Variants in NRG3 observed in about 807,000 individuals in gnomAD.
NRG3 encodes the protein pro-neuregulin-3, membrane-bound isoform.
In NRG3, 31 loss-of-function variants were observed where a neutral mutation model predicts 66.9. The observed-to-expected ratio is 0.46, with a 90% CI of 0.35 to 0.63. NRG3 has a LOEUF of 0.63. Ranked by LOEUF, NRG3 falls within the 20% of genes least tolerant of loss-of-function variation. The pLI, the probability that NRG3 is intolerant of heterozygous loss-of-function variation, is 0.00. For synonymous variants in NRG3, 393 were observed against 359.4 expected, an observed-to-expected ratio of 1.09 and a Z score of -1.06; for missense variants, 910 against 878.9, an observed-to-expected ratio of 1.04 and a Z score of -0.45.
chr10:82,380,267 A>ATTT (rs75630576), intron 2 of NRG3, among the ~76,000 whole-genome samples: 5,158 of 151,838 alleles, frequency 0.034, 95 homozygotes, highest in South Asian at 0.048. Context: ...AGCAGATCAG[A>ATTT]TTTTTTTTGC....
At chr10:82,354,666 A>G (rs1466956431) in intron 1 of NRG3, among the ~76,000 whole-genome samples, 1 of 152,126 alleles carries the variant, frequency 6.6e-6, no homozygotes, top group Non-Finnish European at 1.5e-5. Context: ...TGCTATGATT[A>G]TGGATGTGAG....
intron 1 of NRG3, among the ~76,000 whole-genome samples, chr10:82,193,730 C>T (rs1352084108): frequency 6.6e-6 from 1 of 152,094 alleles, no homozygotes; most frequent in Non-Finnish European, 1.5e-5. Flanking sequence ...TACTGGAAGT[C>T]TTTAAAAAAG....
chr10:82,156,667 A>G (rs1272814280), intron 1 of NRG3, among the ~76,000 whole-genome samples: 2 of 151,668 alleles, frequency 1.3e-5, no homozygotes, highest in Non-Finnish European at 3.0e-5. Context: ...CCTTCATCAG[A>G]TTTTAGCTCC....
intron 1 of NRG3, among the ~76,000 whole-genome samples, chr10:81,913,935 T>C (rs1194196471): frequency 6.6e-6 from 1 of 152,204 alleles, no homozygotes; most frequent in Non-Finnish European, 1.5e-5. Flanking sequence ...ATCTGTAAAA[T>C]TGTATGATTC....
intron 1 of NRG3, among the ~76,000 whole-genome samples, chr10:82,003,109 G>T (rs543860717): frequency 1.3e-5 from 2 of 152,162 alleles, no homozygotes; most frequent in Admixed American, 6.5e-5. Flanking sequence ...TTGAAAAAAG[G>T]TCATGCTGAT....
chr10:82,953,504 G>C (rs1266539253), intron 5 of NRG3, among the ~76,000 whole-genome samples: 6 of 151,876 alleles, frequency 4.0e-5, no homozygotes, highest in Non-Finnish European at 7.4e-5. Context: ...ATGCCATCTG[G>C]CATAATGGTC....
chr10:82,395,040 T>A (rs773574667), intron 2 of NRG3, among the ~76,000 whole-genome samples: 3 of 152,200 alleles, frequency 2.0e-5, no homozygotes, highest in Non-Finnish European at 4.4e-5. Context: ...AGTCTGCAGA[T>A]AATTGGAAGT....
chr10:82,962,125 A>G (rs1850709579), intron 6 of NRG3, among the ~76,000 whole-genome samples: 1 of 152,082 alleles, frequency 6.6e-6, no homozygotes. Flanking sequence ...GAAACACTTG[A>G]CTCCAAGGCT....
At chr10:82,982,605 A>G (rs997554282) in intron 8 of NRG3, among the ~76,000 whole-genome samples, 1 of 152,200 alleles carries the variant, frequency 6.6e-6, no homozygotes, top group Non-Finnish European at 1.5e-5. Flanking sequence ...AGAACAGGGC[A>G]GAGACATTAT....
chr10:82,382,747 A>T (rs1325313410), intron 2 of NRG3, among the ~76,000 whole-genome samples: 1 of 152,048 alleles, frequency 6.6e-6, no homozygotes, highest in African/African-American at 2.4e-5. Context: ...TACATAATGC[A>T]TATGTATAAA....
At chr10:82,704,575 G>C (rs540936256) in intron 2 of NRG3, among the ~76,000 whole-genome samples, 2 of 152,074 alleles carry the variant, frequency 1.3e-5, no homozygotes, top group African/African-American at 4.8e-5. Context: ...CAATCCATGA[G>C]AGAAATTTGT....
At chr10:82,694,731 G>T (rs2055235088) in intron 2 of NRG3, among the ~76,000 whole-genome samples, 1 of 152,164 alleles carries the variant, frequency 6.6e-6, no homozygotes, top group South Asian at 2.1e-4. Context: ...TCTAGCCTGG[G>T]TGACAGAGTT....
intron 4 of NRG3, among the ~76,000 whole-genome samples, chr10:82,873,373 A>T (rs1209727337): frequency 1.3e-5 from 2 of 152,156 alleles, no homozygotes; most frequent in Non-Finnish European, 2.9e-5. Flanking sequence ...GGGAAAATAT[A>T]GATTTTTACA....
At chr10:82,219,859 C>G (rs574704789) in intron 1 of NRG3, among the ~76,000 whole-genome samples, 39 of 151,834 alleles carry the variant, frequency 2.6e-4, no homozygotes, top group Admixed American at 2.1e-3. Context: ...CTCAATGCTG[C>G]AAATCCATTG....
chr10:82,202,177 A>G (rs2074865254), intron 1 of NRG3, among the ~76,000 whole-genome samples: 2 of 152,224 alleles, frequency 1.3e-5, no homozygotes, highest in Admixed American at 1.3e-4. Context: ...GTCTCCTCCC[A>G]GAGCCAGCAC....
At chr10:82,595,137 A>T (rs1229434332) in intron 2 of NRG3, among the ~76,000 whole-genome samples, 6 of 151,942 alleles carry the variant, frequency 3.9e-5, no homozygotes, top group Non-Finnish European at 8.8e-5. Context: ...ATTTCTCATG[A>T]TTCCAAAGTT....
intron 1 of NRG3, among the ~76,000 whole-genome samples, chr10:82,142,293 C>T (rs2069852544): frequency 6.6e-6 from 1 of 152,160 alleles, no homozygotes; most frequent in African/African-American, 2.4e-5. Context: ...TAACATCTGA[C>T]ACTCTGTGGG....
intron 2 of NRG3, among the ~76,000 whole-genome samples, chr10:82,440,461 A>G (rs997814503): frequency 3.6e-5 from 5 of 138,820 alleles, no homozygotes; most frequent in Non-Finnish European, 6.4e-5. Context: ...TACTTCTTTA[A>G]TTCTCCATCC....
intron 3 of NRG3, among the ~76,000 whole-genome samples, chr10:82,826,064 G>A (rs1275567868): frequency 6.6e-6 from 1 of 152,138 alleles, no homozygotes; most frequent in Non-Finnish European, 1.5e-5. Flanking sequence ...AGGAAAAAGT[G>A]TAAGAGATTA....
Sources: allele counts gnomAD v4.1 joint callset (sites outside exome capture counted in the v4.1 genomes callset), GRCh38; gene constraint gnomAD v4.1.1; transcripts MANE v1.5; gene names NCBI Gene and HGNC (gene_info 2026-07-23, HGNC 2026-07-21).